The following SLC2A6 variants were observed in gnomAD, a reference collection of about 807,000 sequenced individuals.
SLC2A6 encodes the protein solute carrier family 2, facilitated glucose transporter member 6.
In SLC2A6, 39 loss-of-function variants were observed where a neutral mutation model predicts 47.8. That is an observed-to-expected ratio of 0.82 (90% CI 0.63 to 1.07). SLC2A6 has a LOEUF of 1.07. Ranked by LOEUF, SLC2A6 falls within the 50% of genes least tolerant of loss-of-function variation. The pLI, the probability that SLC2A6 is intolerant of heterozygous loss-of-function variation, is 0.00. For synonymous variants in SLC2A6, 346 were observed against 324.1 expected (o/e 1.07, Z -0.73); for missense variants, 650 against 707.6 (o/e 0.92, Z 0.92).
rs375763870 is a variant in SLC2A6, at chr9:133,473,298, C to T, written c.1223-48G>A. 1.2e-5 allele frequency: 18 copies of T among 1,547,428 alleles called. 1 individual carries two copies. In the South Asian group the frequency reaches 1.5e-4, roughly 13 times the overall value. On this transcript the variant is annotated intron_variant, in intron 8 of 9. Transcript: ENST00000371899. ...TCAGGCCCTGTGGGGTGACTGGAGG[C>T]GGCTGTGTCTGTCTCCGCTGAGCTG...
At position 133,471,655 on chromosome 9, in the gene SLC2A6, C is replaced by T. The variant is rs1434177202; in HGVS notation, c.*366G>A. On this transcript the variant is annotated 3_prime_UTR_variant, in exon 10 of 10. Coordinates refer to ENST00000371899, the MANE Select transcript of SLC2A6 (RefSeq NM_017585.4). ...TGATATGACTACGTTACTTGGCTGC[C>T]TCCAGCCCTGTCCTCTCAGTCCTCC... 2 of 206,372 alleles carry T rather than the reference C, an allele frequency of 9.7e-6. No individual in the cohort carries two copies. Among genetic ancestry groups the T allele is most frequent in the Admixed American group, 5.4e-5 (1 of 18,612 alleles). The allele number at this position is 206,372 out of a possible 1,614,324, so 12.8% of individuals were successfully genotyped here. A position where few individuals can be genotyped will look rare whatever the true frequency, so the allele number is the denominator to read the frequency against.
intron 9 of SLC2A6, 77 bp from the exon 10 acceptor site, chr9:133,472,253 G>A: frequency 1.3e-6 from 2 of 1,536,928 alleles, no homozygotes; most frequent in East Asian, 2.3e-5. Context: ...CGTGGGCGCT[G>A]CTGGTAGTGA....
chr9:133,474,959 A>G lies in SLC2A6; in HGVS notation c.927+2T>C. The G allele has an allele frequency of 6.5e-7, 1 of 1,541,380 alleles. No individual in the cohort carries two copies. The highest frequency in any genetic ancestry group is 8.7e-7 in the Non-Finnish European group (1 of 1,143,148). On this transcript the variant is annotated splice_donor_variant, in intron 6 of 9. Coordinates refer to ENST00000371899, the MANE Select transcript of SLC2A6 (RefSeq NM_017585.4). LOFTEE classifies it high-confidence loss of function. Reference sequence around the variant, plus strand: ...GGGCGCCGGCCGGGGCTGGGCTCTCACCAGCAGGACAGCGGTGCTGTCGAA... The same window carrying G: ...GGGCGCCGGCCGGGGCTGGGCTCTCGCCAGCAGGACAGCGGTGCTGTCGAA...
Position 133,473,386 on chromosome 9 carries a change from C to T in SLC2A6, c.1222+29G>A, listed in dbSNP as rs781885376. The T allele has an allele frequency of 5.1e-6, 8 of 1,559,056 alleles. No homozygotes were observed. The East Asian group carries it at 1.2e-4, about 23-fold the overall frequency. On this transcript the variant is annotated intron_variant, in intron 8 of 9. Coordinates refer to ENST00000371899, the MANE Select transcript of SLC2A6 (RefSeq NM_017585.4). ...CCCATCCCTTAACACCCAAGACAGC[C>T]TGCCCCTCTGAGCCACCACCACACC... is the stretch of plus-strand genomic sequence containing the variant.
At position 133,475,349 on chromosome 9, in the gene SLC2A6, C is replaced by G. The variant is rs1290289864; in HGVS notation, c.774+51G>C. 9.8e-6 allele frequency: 15 copies of G among 1,523,964 alleles called. 1 individual carries two copies. Among genetic ancestry groups the G allele is most frequent in the East Asian group, 2.3e-5 (1 of 43,786 alleles). The allele number at this position is 1,523,964 out of a possible 1,614,324, so 94.4% of individuals were successfully genotyped here. On this transcript the variant is annotated intron_variant, in intron 5 of 9. Coordinates refer to ENST00000371899, the MANE Select transcript of SLC2A6 (RefSeq NM_017585.4). ...GAAAAGCCTCCACGGCCACACACAG[C>G]TGAAGTGCTGGAGGTGGGCCTGCCC...
At chr9:133,475,236 T>C in intron 5 of SLC2A6, 123 bp from the exon 6 acceptor site, 1 of 1,394,386 alleles carries the variant, frequency 7.2e-7, no homozygotes, top group Non-Finnish European at 9.4e-7. Flanking sequence ...AAGAACCAGC[T>C]TACCAGGCCA....
chr9:133,475,804 C>A (rs782061064), intron 4 of SLC2A6, among the ~76,000 whole-genome samples, 193 bp from the exon 5 acceptor site: 67 of 152,216 alleles, frequency 4.4e-4, no homozygotes, highest in South Asian at 8.3e-4. Flanking sequence ...GTGGGAAGTC[C>A]TTGGAAAGTC....
In SLC2A6 at chr9:133,475,399, C is replaced by T. The variant is rs976281931; in HGVS notation, c.774+1G>A. Reference sequence around the variant, plus strand: ...CGGTTCGGGCGCACACCCTCCTGCACCTGTCTCCGGACGTTGTCCTGGATC... The same window carrying T: ...CGGTTCGGGCGCACACCCTCCTGCATCTGTCTCCGGACGTTGTCCTGGATC... On this transcript the variant is annotated splice_donor_variant, in intron 5 of 9. Coordinates refer to ENST00000371899, the MANE Select transcript of SLC2A6 (RefSeq NM_017585.4). LOFTEE classifies it high-confidence loss of function. 6.3e-7 allele frequency: 1 copy of T among 1,595,454 alleles called. No individual in the cohort carries two copies. Among genetic ancestry groups the T allele is most frequent in the Non-Finnish European group, 8.6e-7 (1 of 1,169,290 alleles).
intron 9 of SLC2A6, 34 bp from the exon 10 acceptor site, chr9:133,472,210 G>T (rs1554801809): frequency 6.2e-7 from 1 of 1,608,248 alleles, no homozygotes; most frequent in Non-Finnish European, 8.5e-7. Flanking sequence ...GTCACAGGGA[G>T]AAGCTCCAGG....
Position 133,473,520 on chromosome 9 carries a change from C to T in SLC2A6, c.1117G>A (p.Ala373Thr). Residue 373 changes from alanine (A) to threonine (T), a missense_variant, in exon 8 of 10, where the codon GCG (alanine) becomes ACG (threonine). Physicochemically the swap from Ala to Thr is moderately conservative, Grantham distance 58. Transcript: ENST00000371899. The stretch of plus-strand genomic sequence containing the variant: ...CCCCAGGACTCGCTTTCCAGGCCCG[C>T]AGTGCTGTTGGGGCTCAGAGGCCTG... ...GPRPLSPNST[A>T]GLESESWGDL... The T allele has an allele frequency of 6.3e-7, 1 of 1,598,028 alleles. No homozygotes were observed. The highest frequency in any genetic ancestry group is 8.5e-7 in the Non-Finnish European group (1 of 1,173,918).
intron 8 of SLC2A6, 25 bp from the exon 9 acceptor site, chr9:133,473,275 A>G (rs1843802741): frequency 1.9e-6 from 3 of 1,555,916 alleles, no homozygotes; most frequent in East Asian, 2.4e-5. Context: ...AGGCAGGTTC[A>G]GGCCCTGTGG....
intron 1 of SLC2A6, 83 bp from the exon 2 acceptor site, chr9:133,478,499 C>T: frequency 1.3e-6 from 2 of 1,527,814 alleles, no homozygotes; most frequent in African/African-American, 1.4e-5. Context: ...CCAGTGGCTG[C>T]CCGGCTCAGC....
intron 9 of SLC2A6, among the ~76,000 whole-genome samples, chr9:133,472,750 T>C (rs1326049035): frequency 1.3e-5 from 2 of 151,106 alleles, no homozygotes; most frequent in Non-Finnish European, 3.0e-5. Context: ...GAGGGGGGAG[T>C]GTGGCTGCTG....
rs1843724072 is a variant in SLC2A6, at chr9:133,471,797, AC to A, written c.*223del. ...GTATGCACTCCTGCGGCCCATGGCTACGTGCAGCACTGTGGGCTGCCTGGGC... is the reference window on the plus strand; with the variant it reads ...GTATGCACTCCTGCGGCCCATGGCTAGTGCAGCACTGTGGGCTGCCTGGGC... On this transcript the variant is annotated 3_prime_UTR_variant, in exon 10 of 10. Coordinates refer to ENST00000371899, the MANE Select transcript of SLC2A6 (RefSeq NM_017585.4). 1 of 536,996 alleles carries A rather than the reference AC, an allele frequency of 1.9e-6. No individual in the cohort carries two copies. The highest frequency in any genetic ancestry group is 3.2e-5 in the Admixed American group (1 of 31,480). 33.3% of individuals were successfully genotyped at this position (536,996 alleles called of 1,614,324 possible).
At chr9:133,472,221 G>A (rs954706142) in intron 9 of SLC2A6, 45 bp from the exon 10 acceptor site, 2 of 1,604,124 alleles carry the variant, frequency 1.2e-6, no homozygotes, top group South Asian at 1.1e-5. Context: ...AAGCTCCAGG[G>A]TCCTCCTGCC....
At chr9:133,474,839 G>T in intron 6 of SLC2A6, 122 bp downstream of exon 6, 1 of 994,060 alleles carries the variant, frequency 1.0e-6, no homozygotes, top group Non-Finnish European at 1.4e-6. Context: ...CTGACACCTG[G>T]CACAGAGCAG....
intron 6 of SLC2A6, 31 bp downstream of exon 6, chr9:133,474,930 G>T: frequency 6.7e-7 from 1 of 1,482,270 alleles, no homozygotes; most frequent in Admixed American, 2.3e-5. Context: ...GGGACCCCGT[G>T]GGTGGGCGCC....
chr9:133,474,579 T>A (rs1843868331), intron 6 of SLC2A6, among the ~76,000 whole-genome samples: 1 of 152,206 alleles, frequency 6.6e-6, no homozygotes, highest in Non-Finnish European at 1.5e-5. Flanking sequence ...ATTTAATTTT[T>A]AAAATTTCTA....
At position 133,478,332 on chromosome 9, in the gene SLC2A6, T is replaced by C. The variant is rs199947289; in HGVS notation, c.177A>G (p.Thr59=). The C allele has an allele frequency of 2.4e-5, 39 of 1,614,096 alleles. No homozygotes were observed. The East Asian group carries it at 8.0e-4, about 33-fold the overall frequency. ...NFSFGYALVY[T]SPVIPALERS... The stretch of plus-strand genomic sequence containing the variant: ...GCTCCAGGGCTGGGATGACAGGGGA[T>C]GTGTAGACCAGGGCATACCCAAAGC... Residue 59 remains threonine, a synonymous_variant, in exon 2 of 10, where the codon ACA becomes ACG. Coordinates refer to ENST00000371899, the MANE Select transcript of SLC2A6 (RefSeq NM_017585.4).
Sources: gnomAD v4.1 joint callset for allele counts (sites outside exome capture counted in the v4.1 genomes callset) on GRCh38, gnomAD v4.1.1 for gene constraint, MANE v1.5 for transcripts, NCBI Gene and HGNC (gene_info 2026-07-23, HGNC 2026-07-21) for gene names.